Variants in ZKSCAN8 observed in about 807,000 individuals in gnomAD.
ZKSCAN8 encodes zinc finger protein with KRAB and SCAN domains 8.
ZKSCAN8 carries 27 observed loss-of-function variants against 57.2 expected under a neutral mutation model. That is an observed-to-expected ratio of 0.47 (90% CI 0.35 to 0.65). The LOEUF (loss-of-function observed/expected upper bound fraction) is 0.65, where lower values mean the gene tolerates loss of function less well. Ranked by LOEUF, ZKSCAN8 falls within the 30% of genes least tolerant of loss-of-function variation. ZKSCAN8 has a pLI of 0.01. For synonymous variants in ZKSCAN8, 214 were observed against 248.7 expected (o/e 0.86, Z 1.31); for missense variants, 597 against 696.3 (o/e 0.86, Z 1.60).
rs750477732 is a variant in ZKSCAN8, at chr6:28,153,558, A to C, written c.1278A>C (p.Arg426Ser). The change falls in exon 6 of 6, where the codon AGA (arginine) becomes AGC (serine). Residue 426 changes from arginine to serine, a missense_variant. By Grantham distance (110) the Arg-to-Ser change is moderately radical. Coordinates refer to ENST00000330236, the MANE Select transcript of ZKSCAN8 (RefSeq NM_006298.4). ...SQSAGLILHQ[R>S]IHSGERPYEC... is the part of the protein sequence containing the mutation. ...GTGCGGGCCTTATTCTGCACCAGAG[A>C]ATCCACAGTGGAGAGAGACCCTATG... 6.2e-7 allele frequency: 1 copy of C among 1,613,828 alleles called. No individual in the cohort carries two copies. The highest frequency in any genetic ancestry group is 1.1e-5 in the South Asian group (1 of 91,064).
chr6:28,150,880 C>A (rs1581525194), intron 3 of ZKSCAN8, among the ~76,000 whole-genome samples: 1 of 152,302 alleles, frequency 6.6e-6, no homozygotes, highest in East Asian at 1.9e-4. Context: ...GATCTCAGCT[C>A]ACTGCAGCTT....
rs1403574067 is a variant in ZKSCAN8 at position 28,156,120 on chromosome 6, TATG to T, written c.*2107_*2109del. On this transcript the variant is annotated 3_prime_UTR_variant, in exon 6 of 6. Transcript: ENST00000330236. ...TATTACCTTGTATGCAAATATTACA[TATG>T]ATGGGTGCATTGTCAGAGGGAAAAT... 4 of 398,272 alleles carry T rather than the reference TATG, an allele frequency of 1.0e-5. No homozygotes were observed. The highest frequency in any genetic ancestry group is 4.4e-5 in the Admixed American group (1 of 22,716). 24.7% of individuals were successfully genotyped at this position (398,272 alleles called of 1,614,324 possible).
chr6:28,152,397 G>A lies in ZKSCAN8; in HGVS notation c.775+13G>A. Reference sequence around the variant, plus strand: ...ATGTTCTCCCTGGGTAAGGAGAGGTGTGGTTATTATTGTCATTTTAGATTT... The same window carrying A: ...ATGTTCTCCCTGGGTAAGGAGAGGTATGGTTATTATTGTCATTTTAGATTT... On this transcript the variant is annotated intron_variant, in intron 5 of 5. Coordinates refer to ENST00000330236, the MANE Select transcript of ZKSCAN8 (RefSeq NM_006298.4). 1 of 1,594,744 alleles carries A rather than the reference G, an allele frequency of 6.3e-7. No individual in the cohort carries two copies.
In ZKSCAN8 at chr6:28,149,700, C is replaced by T. The variant is rs535015628; in HGVS notation, c.559+76C>T. The stretch of plus-strand genomic sequence containing the variant: ...TCCATTTGGGATACCTATCTAGTTC[C>T]TGAAGAACCAGGAACTAAAATCCTG... On this transcript the variant is annotated intron_variant, in intron 3 of 5. Coordinates refer to ENST00000330236, the MANE Select transcript of ZKSCAN8 (RefSeq NM_006298.4). 19 of 1,544,172 alleles carry T rather than the reference C, an allele frequency of 1.2e-5. No individual in the cohort carries two copies. In the African/African-American group the frequency reaches 2.5e-4, roughly 20 times the overall value.
At chr6:28,150,729 A>G (rs1765564604) in intron 3 of ZKSCAN8, among the ~76,000 whole-genome samples, 1 of 151,978 alleles carries the variant, frequency 6.6e-6, no homozygotes, top group Non-Finnish European at 1.5e-5. Flanking sequence ...CCCTTCTCCC[A>G]ATTTTATTAT....
chr6:28,153,016 G>T, intron 5 of ZKSCAN8, 40 bp from the exon 6 acceptor site: 1 of 1,603,122 alleles, frequency 6.2e-7, no homozygotes, highest in South Asian at 1.1e-5. Context: ...AATAGGTTGT[G>T]ACATTGGCTT....
intron 1 of ZKSCAN8, among the ~76,000 whole-genome samples, chr6:28,143,494 C>T (rs1031995831): frequency 6.6e-6 from 1 of 152,130 alleles, no homozygotes; most frequent in Non-Finnish European, 1.5e-5. Context: ...ATTTTATAGC[C>T]TCCTGTACTG....
rs1245570240 is a variant in ZKSCAN8, at chr6:28,151,882, A to G, written c.597A>G (p.Lys199=). 2.5e-6 allele frequency: 4 copies of G among 1,614,040 alleles called. No individual in the cohort carries two copies. Among genetic ancestry groups the G allele is most frequent in the African/African-American group, 2.7e-5 (2 of 74,912 alleles). Residue 199 remains lysine, a synonymous_variant, in exon 4 of 6, where the codon AAA becomes AAG. Transcript: ENST00000330236. ...STSQSPTRSQ[K]GSSGDQEMTA... is the part of the protein sequence containing the mutation. ...CCCAGAGTCCTACTCGTTCCCAGAA[A>G]GGAAGTTCTGGAGACCAGGAAATGA...
intron 3 of ZKSCAN8, among the ~76,000 whole-genome samples, chr6:28,151,640 C>G (rs150616362): frequency 5.3e-4 from 80 of 152,346 alleles, no homozygotes; most frequent in Middle Eastern, 3.4e-3. Flanking sequence ...TAACTTCAGT[C>G]TGACTTCAGG....
At chr6:28,149,049 T>G (rs777313727) in intron 2 of ZKSCAN8, among the ~76,000 whole-genome samples, 16 of 152,210 alleles carry the variant, frequency 1.1e-4, no homozygotes, top group Non-Finnish European at 2.1e-4. Context: ...TGTATTGTTC[T>G]TGTTTGCCAG....
chr6:28,145,293 G>A (rs1385559223), intron 1 of ZKSCAN8, among the ~76,000 whole-genome samples: 3 of 152,126 alleles, frequency 2.0e-5, no homozygotes, highest in Non-Finnish European at 4.4e-5. Context: ...ATTGCCATCA[G>A]TTTTGAACCA....
intron 3 of ZKSCAN8, 64 bp downstream of exon 3, chr6:28,149,688 C>A: frequency 1.3e-6 from 2 of 1,581,854 alleles, no homozygotes; most frequent in Non-Finnish European, 1.7e-6. Flanking sequence ...ATTTGGGATA[C>A]CTATCTAGTT....
At position 28,153,165 on chromosome 6, in the gene ZKSCAN8, G is replaced by A. The variant is rs371090873; in HGVS notation, c.885G>A (p.Arg295=). 4 of 1,614,052 alleles carry A rather than the reference G, an allele frequency of 2.5e-6. No individual in the cohort carries two copies. In the African/African-American group the frequency reaches 5.3e-5, roughly 22 times the overall value. The part of the protein sequence containing the change: ...TAAKCNGDVI[R]GLEHEEARDL... ...CCAAATGCAACGGGGATGTTATCAG[G>A]GGTCTTGAGCATGAAGAAGCCCGAG... The change falls in exon 6 of 6, where the codon AGG becomes AGA. Residue 295 remains arginine (R), a synonymous_variant. Coordinates refer to ENST00000330236, the MANE Select transcript of ZKSCAN8 (RefSeq NM_006298.4).
rs149928528 is a variant in ZKSCAN8, at chr6:28,152,232, C to T, written c.652-29C>T. On this transcript the variant is annotated intron_variant, in intron 4 of 5. Coordinates refer to ENST00000330236, the MANE Select transcript of ZKSCAN8 (RefSeq NM_006298.4). ...GTTTGAGCTGTGGAACAGTCCCAGT[C>T]CCCAAATGGGGATCTTGTTTTGTTT... 2.4e-3 allele frequency: 3,890 copies of T among 1,588,926 alleles called. 149 individuals are homozygous for T. The South Asian group carries it at 0.041, about 17-fold the overall frequency.
Position 28,158,397 on chromosome 6 carries a change from T to C in ZKSCAN8, c.*4380T>C, listed in dbSNP as rs1765855965. On this transcript the variant is annotated 3_prime_UTR_variant, in exon 6 of 6. Transcript: ENST00000330236. ...CACCCTGTGGGTCAGTTTGTGACTTTTGGAATTTTCCACAGGTACCTGTAC... is the reference window on the plus strand; with the variant it reads ...CACCCTGTGGGTCAGTTTGTGACTTCTGGAATTTTCCACAGGTACCTGTAC... 2 of 152,224 alleles carry C rather than the reference T, an allele frequency of 1.3e-5. No homozygotes were observed. The highest frequency in any genetic ancestry group is 2.1e-4 in the South Asian group (1 of 4,828). 9.4% of individuals were successfully genotyped at this position (152,224 alleles called of 1,614,324 possible). A position where few individuals can be genotyped will look rare whatever the true frequency, so the allele number is the denominator to read the frequency against.
Position 28,154,056 on chromosome 6 carries a change from A to G in ZKSCAN8, c.*39A>G. On this transcript the variant is annotated 3_prime_UTR_variant, in exon 6 of 6. Coordinates refer to ENST00000330236, the MANE Select transcript of ZKSCAN8 (RefSeq NM_006298.4). ...TAGAGTTTGAGCATTATTCAGCATT[A>G]GGGAAACCACACACTGGTGAGAGGT... 1 of 1,535,910 alleles carries G rather than the reference A, an allele frequency of 6.5e-7. No individual in the cohort carries two copies. Among genetic ancestry groups the G allele is most frequent in the Non-Finnish European group, 8.7e-7 (1 of 1,148,110 alleles).
intron 3 of ZKSCAN8, 134 bp from the exon 4 acceptor site, chr6:28,151,711 T>G (rs572909012): frequency 1.5e-6 from 1 of 680,734 alleles, no homozygotes; most frequent in African/African-American, 1.8e-5. Flanking sequence ...ATCCAAGATA[T>G]CAGCACTTCA....
intron 1 of ZKSCAN8, chr6:28,142,372 T>A (rs926319310): frequency 6.6e-6 from 1 of 152,136 alleles, no homozygotes; most frequent in Non-Finnish European, 1.5e-5. Flanking sequence ...TTAGCGCTCT[T>A]TTGCGTTTAG....
chr6:28,149,099 AG>A (rs1009793081), intron 2 of ZKSCAN8, among the ~76,000 whole-genome samples: 1 of 152,168 alleles, frequency 6.6e-6, no homozygotes, highest in African/African-American at 2.4e-5. Flanking sequence ...TTAATTTTTC[AG>A]GGGTATCCAA....
Sources: gnomAD v4.1 joint callset for allele counts (sites outside exome capture counted in the v4.1 genomes callset) on GRCh38, gnomAD v4.1.1 for gene constraint, MANE v1.5 for transcripts, NCBI Gene and HGNC (gene_info 2026-07-23, HGNC 2026-07-21) for gene names.